Variants in CFAP92 observed in about 807,000 individuals in gnomAD.
CFAP92 encodes cilia and flagella associated protein 92 (putative).
In CFAP92, 86 loss-of-function variants were observed where a neutral mutation model predicts 106.3. That is an observed-to-expected ratio of 0.81 (90% CI 0.68 to 0.97). CFAP92 has a LOEUF of 0.97. Among genes scored for constraint, CFAP92 ranks in the 50% least tolerant of loss-of-function variants. The pLI, the probability that CFAP92 is intolerant of heterozygous loss-of-function variation, is 0.00. For synonymous variants in CFAP92, 477 were observed against 506.4 expected (o/e 0.94, Z 0.78); for missense variants, 1,204 against 1,283.8 (o/e 0.94, Z 0.95).
At position 128,937,312 on chromosome 3, in the gene CFAP92, C is replaced by CAA. The variant is rs34884891; in HGVS notation, c.2259-1995_2259-1994dup. ...TGGGTGACAGAGATAGACCCTGTCTCAAAAAAAAAAAAAAAAAAAACCACG... is the reference window on the plus strand; with the variant it reads ...TGGGTGACAGAGATAGACCCTGTCTCAAAAAAAAAAAAAAAAAAAAAACCACG... On this transcript the variant is annotated intron_variant, in intron 10 of 15. Coordinates refer to ENST00000645291, the MANE Select transcript of CFAP92 (RefSeq NM_001394090.1). Among the ~76,000 whole-genome samples, 379 of 85,230 alleles carry CAA rather than the reference C, an allele frequency of 4.4e-3. 2 individuals are homozygous for CAA. The highest frequency in any genetic ancestry group is 7.2e-3 in the Non-Finnish European group (310 of 42,832). 55.9% of individuals were successfully genotyped at this position (85,230 alleles called of 152,430 possible).
rs1025721760 is a variant in CFAP92, at chr3:128,915,287, G to A, written c.3124-12C>T. Reference sequence around the variant, plus strand: ...TTTTCCTTCCACTCCTAAATTGGGGGAGTAAGTAAATCAGGAGGAGAAAGG... The same window carrying A: ...TTTTCCTTCCACTCCTAAATTGGGGAAGTAAGTAAATCAGGAGGAGAAAGG... On this transcript the variant is annotated splice_polypyrimidine_tract_variant and intron_variant, in intron 14 of 15. Coordinates refer to ENST00000645291, the MANE Select transcript of CFAP92 (RefSeq NM_001394090.1). 2.0e-6 allele frequency: 3 copies of A among 1,535,936 alleles called. No homozygotes were observed. The African/African-American group carries it at 4.1e-5, about 21-fold the overall frequency.
chr3:128,975,434 T>G (rs1422116511), intron 7 of CFAP92, among the ~76,000 whole-genome samples: 1 of 62,440 alleles, frequency 1.6e-5, no homozygotes. Flanking sequence ...TAGGGATGGA[T>G]GGATGGATGG....
At chr3:129,025,682 A>C in the CFAP92 span, among the ~76,000 whole-genome samples, 1 of 152,192 alleles carries the variant, frequency 6.6e-6, no homozygotes, top group African/African-American at 2.4e-5. Context: ...TCTGCTGAAT[A>C]ATCCAGCAGA....
intron 9 of CFAP92, among the ~76,000 whole-genome samples, chr3:128,958,712 G>T (rs1335318915): frequency 6.6e-6 from 1 of 151,888 alleles, no homozygotes; most frequent in South Asian, 2.1e-4. Flanking sequence ...ACCAGCCTGC[G>T]CAACATGGCA....
At chr3:128,932,378 T>TAC (rs112536236) in intron 12 of CFAP92, among the ~76,000 whole-genome samples, 45,434 of 147,478 alleles carry the variant, frequency 0.31, 8,731 homozygotes, top group East Asian at 0.55. Context: ...AGCAACATGT[T>TAC]ACACACACAC....
At chr3:129,006,349 C>T (rs1945074320), upstream of CFAP92, among the ~76,000 whole-genome samples, 1 of 152,194 alleles carries the variant, frequency 6.6e-6, no homozygotes, top group African/African-American at 2.4e-5. Flanking sequence ...GACAGTCTTG[C>T]TCTGTCACCC....
rs1942306291 is a variant in CFAP92 at position 128,965,613 on chromosome 3, CG to C, written c.1250del (p.Pro417ArgfsTer3). The C allele has an allele frequency of 7.5e-6, 3 of 398,842 alleles. No homozygotes were observed. Among genetic ancestry groups the C allele is most frequent in the East Asian group, 3.6e-5 (1 of 28,074 alleles). 24.7% of individuals were successfully genotyped at this position (398,842 alleles called of 1,614,324 possible). ...DCLLTLKTEV[P>X]IMTEEQKQDL... ...CCTGCTTTTGCTCCTCGGTCATGAT[CG>C]GAACTTCTGTTTTTAAAGTCAAAAG... On this transcript the variant is annotated frameshift_variant, in exon 9 of 16. Transcript: ENST00000645291. LOFTEE classifies it high-confidence loss of function.
intron 15 of CFAP92, among the ~76,000 whole-genome samples, chr3:128,914,447 C>T (rs1266473235): frequency 2.0e-5 from 3 of 152,154 alleles, no homozygotes; most frequent in Admixed American, 6.5e-5. Flanking sequence ...CCTTAGGAGT[C>T]GAGGAGGAGA....
chr3:128,932,641 G>A, intron 12 of CFAP92, 59 bp downstream of exon 12: 2 of 1,461,792 alleles, frequency 1.4e-6, no homozygotes, highest in Non-Finnish European at 1.8e-6. Context: ...CTCTCAGCAG[G>A]CGCCTGGACC....
chr3:128,966,440 G>A (rs1387878643), intron 8 of CFAP92: 1 of 152,236 alleles, frequency 6.6e-6, no homozygotes, highest in Admixed American at 6.5e-5. Flanking sequence ...TGGCACATCT[G>A]AGCCAAATAC....
chr3:128,975,431 G>A (rs1943083976), intron 7 of CFAP92, among the ~76,000 whole-genome samples: 1 of 22,244 alleles, frequency 4.5e-5, no homozygotes, highest in African/African-American at 1.1e-3. Context: ...GGATAGGGAT[G>A]GATGGATGGA....
chr3:128,985,488 C>T lies in CFAP92; in HGVS notation c.667+2128G>A, dbSNP rs533694427. ...AATCAATCAATAAGAATACTCATAG[C>T]AGGAGGCCCTAGAACACCTTTTCTC... On this transcript the variant is annotated intron_variant, in intron 4 of 15. Coordinates refer to ENST00000645291, the MANE Select transcript of CFAP92 (RefSeq NM_001394090.1). Among the ~76,000 whole-genome samples the T allele has an allele frequency of 2.0e-5, 3 of 152,270 alleles. No homozygotes were observed. The South Asian group carries it at 6.2e-4, about 32-fold the overall frequency.
upstream of CFAP92, among the ~76,000 whole-genome samples, chr3:129,006,369 T>C (rs2341297): frequency 5.3e-5 from 8 of 152,318 alleles, no homozygotes; most frequent in African/African-American, 1.9e-4. Flanking sequence ...CAGGCTGGAG[T>C]GCAATGGTGC....
chr3:128,912,657 T>C, intron 15 of CFAP92: 1 of 1,458,460 alleles, frequency 6.9e-7, no homozygotes, highest in East Asian at 2.3e-5. Flanking sequence ...CATGGCCCGT[T>C]GCTGGATGAC....
rs543371346 is a variant in CFAP92, at chr3:128,950,558, A to T, written c.1354-4583T>A. Among the ~76,000 whole-genome samples, 35 of 152,350 alleles carry T rather than the reference A, an allele frequency of 2.3e-4. 1 individual carries two copies. Among genetic ancestry groups the T allele is most frequent in the African/African-American group, 7.2e-4 (30 of 41,582 alleles). ...CCCTCAAGTTCAGTGATTCGCTAGG[A>T]GAACTCACAGAACTCAGCATGGGTG... On this transcript the variant is annotated intron_variant, in intron 9 of 15. Transcript: ENST00000645291.
chr3:128,979,689 C>T (rs898113437), intron 4 of CFAP92, among the ~76,000 whole-genome samples: 1 of 151,408 alleles, frequency 6.6e-6, no homozygotes, highest in Non-Finnish European at 1.5e-5. Context: ...AGCAAACTAT[C>T]GGAAGGACAA....
chr3:128,989,027 T>C, intron 2 of CFAP92, 109 bp from the exon 3 acceptor site: 1 of 805,420 alleles, frequency 1.2e-6, no homozygotes. Flanking sequence ...CACTCCACAT[T>C]GCCTGCCCGA....
chr3:128,952,013 C>G (rs755397511), intron 9 of CFAP92, among the ~76,000 whole-genome samples: 35 of 152,164 alleles, frequency 2.3e-4, no homozygotes, highest in Non-Finnish European at 3.7e-4. Context: ...TGGAGTCTCA[C>G]CTGGCAGTAT....
At chr3:128,996,564 A>G (rs1410244729), upstream of CFAP92, among the ~76,000 whole-genome samples, 1 of 152,214 alleles carries the variant, frequency 6.6e-6, no homozygotes, top group Non-Finnish European at 1.5e-5. Context: ...CTCAGTGAAG[A>G]TGGCTTCAGG....
Sources: gnomAD v4.1 joint callset for allele counts (sites outside exome capture counted in the v4.1 genomes callset) on GRCh38, gnomAD v4.1.1 for gene constraint, MANE v1.5 for transcripts, NCBI Gene and HGNC (gene_info 2026-07-23, HGNC 2026-07-21) for gene names.